The following NRG3 variants were observed in gnomAD, a reference collection of about 807,000 sequenced individuals.
The protein encoded by NRG3 is neuregulin 3, also known as pro-neuregulin-3, membrane-bound isoform.
In NRG3, 31 loss-of-function variants were observed where a neutral mutation model predicts 66.9. That is an observed-to-expected ratio of 0.46 (90% CI 0.35 to 0.63). The LOEUF is 0.63. NRG3 is among the 20% of genes least tolerant of loss of function. NRG3 has a pLI of 0.00. For synonymous variants in NRG3, 393 were observed against 359.4 expected (o/e 1.09, Z -1.06); for missense variants, 910 against 878.9 (o/e 1.04, Z -0.45).
At chr10:82,140,222 T>C (rs2069668799) in intron 1 of NRG3, among the ~76,000 whole-genome samples, 4 of 152,192 alleles carry the variant, frequency 2.6e-5, no homozygotes, top group Non-Finnish European at 5.9e-5. Context: ...CATTCACTTA[T>C]TATTTTACGG....
intron 6 of NRG3, among the ~76,000 whole-genome samples, chr10:82,966,478 G>A (rs893407903): frequency 3.9e-5 from 6 of 152,006 alleles, no homozygotes; most frequent in African/African-American, 9.7e-5. Context: ...CAAGATACAC[G>A]CTACAATATG....
At chr10:82,062,127 C>A (rs912003815) in intron 1 of NRG3, among the ~76,000 whole-genome samples, 6 of 152,028 alleles carry the variant, frequency 3.9e-5, no homozygotes, top group African/African-American at 1.2e-4. Context: ...TGGGGGTGAT[C>A]CAAGCAGCCC....
At chr10:82,233,778 A>G (rs555876949) in intron 1 of NRG3, among the ~76,000 whole-genome samples, 59 of 152,192 alleles carry the variant, frequency 3.9e-4, no homozygotes, top group African/African-American at 1.3e-3. Flanking sequence ...CTTTAATTCC[A>G]TTACTCTTCC....
intron 3 of NRG3, among the ~76,000 whole-genome samples, chr10:82,845,569 T>C (rs912634454): frequency 2.6e-5 from 4 of 151,172 alleles, no homozygotes; most frequent in East Asian, 1.9e-4. Context: ...AAAATCTTTA[T>C]AGGAGAAAGA....
rs531352286 is a variant in NRG3 at position 82,228,269 on chromosome 10, T to A, written c.824-130470T>A. 3.3e-5 allele frequency among the ~76,000 whole-genome samples: 5 copies of A among 152,306 alleles called. No individual in the cohort carries two copies. The South Asian group carries it at 1.0e-3, about 32-fold the overall frequency. On this transcript the variant is annotated intron_variant, in intron 1 of 8. Transcript: ENST00000372141. ...TATAAACATAAATTTATGTGGGTGT[T>A]GTAGAGTTGAATTCAAGTTCAAATT...
intron 2 of NRG3, among the ~76,000 whole-genome samples, chr10:82,629,319 G>A (rs183988211): frequency 2.2e-4 from 34 of 152,120 alleles, no homozygotes; most frequent in Non-Finnish European, 4.6e-4. Context: ...TCTTTAGTCC[G>A]GATTTAGGAA....
intron 1 of NRG3, among the ~76,000 whole-genome samples, chr10:82,066,778 G>C (rs1467838912): frequency 6.6e-6 from 1 of 151,992 alleles, no homozygotes; most frequent in African/African-American, 2.4e-5. Flanking sequence ...CATATGTTGG[G>C]AAGACACCAG....
At chr10:82,584,396 T>C (rs1590767149) in intron 2 of NRG3, among the ~76,000 whole-genome samples, 3 of 152,282 alleles carry the variant, frequency 2.0e-5, no homozygotes, top group Middle Eastern at 6.8e-3. Context: ...TGTTTTGTTT[T>C]TAATCTCAGG....
chr10:82,873,948 A>G (rs1032514134), intron 4 of NRG3, among the ~76,000 whole-genome samples: 1 of 152,086 alleles, frequency 6.6e-6, no homozygotes, highest in African/African-American at 2.4e-5. Context: ...TAGAAAAATA[A>G]GATTCTTAAT....
intron 1 of NRG3, among the ~76,000 whole-genome samples, chr10:81,886,292 T>A (rs1704476131): frequency 6.6e-6 from 1 of 152,186 alleles, no homozygotes; most frequent in African/African-American, 2.4e-5. Context: ...TTAGTTATAT[T>A]AGCTCCCAAA....
intron 2 of NRG3, among the ~76,000 whole-genome samples, chr10:82,477,185 A>G (rs1352353775): frequency 2.0e-5 from 3 of 152,198 alleles, no homozygotes; most frequent in Non-Finnish European, 4.4e-5. Flanking sequence ...AGAATGCACC[A>G]GGAGAATAAG....
chr10:82,363,122 A>T (rs2084294070), intron 2 of NRG3, among the ~76,000 whole-genome samples: 1 of 152,214 alleles, frequency 6.6e-6, no homozygotes, highest in Admixed American at 6.5e-5. Flanking sequence ...CAAAGAATTA[A>T]AACCCTGAAG....
intron 3 of NRG3, among the ~76,000 whole-genome samples, chr10:82,772,054 A>C (rs1018183815): frequency 6.6e-6 from 1 of 152,162 alleles, no homozygotes; most frequent in Non-Finnish European, 1.5e-5. Flanking sequence ...TCTCCCAGCC[A>C]ACTTCTTTGC....
At chr10:82,801,787 T>G (rs1298232237) in intron 3 of NRG3, among the ~76,000 whole-genome samples, 1 of 152,190 alleles carries the variant, frequency 6.6e-6, no homozygotes, top group Non-Finnish European at 1.5e-5. Flanking sequence ...CACTTGCCCC[T>G]GTGGCATTTG....
At chr10:82,766,435 A>G (rs1413768532) in intron 3 of NRG3, among the ~76,000 whole-genome samples, 1 of 152,220 alleles carries the variant, frequency 6.6e-6, no homozygotes, top group African/African-American at 2.4e-5. Context: ...ACTTTTGTCT[A>G]TAAAGATCTG....
At chr10:81,894,740 G>A (rs775734263) in intron 1 of NRG3, among the ~76,000 whole-genome samples, 10 of 152,172 alleles carry the variant, frequency 6.6e-5, no homozygotes, top group Non-Finnish European at 1.5e-4. Context: ...TGAGCGTTCT[G>A]TCCTCGTTTC....
chr10:82,284,443 T>A (rs549589376), intron 1 of NRG3, among the ~76,000 whole-genome samples: 1 of 152,310 alleles, frequency 6.6e-6, no homozygotes, highest in East Asian at 1.9e-4. Context: ...CCCCATGGGT[T>A]AAACTGGACT....
intron 2 of NRG3, among the ~76,000 whole-genome samples, chr10:82,682,418 TAGATAGATAGATAG>T (rs2054174840): frequency 6.6e-6 from 1 of 151,982 alleles, no homozygotes; most frequent in African/African-American, 2.4e-5. Context: ...GATAGATAGA[TAGATAGATAGATAG>T]ATAGATAATA....
intron 3 of NRG3, among the ~76,000 whole-genome samples, chr10:82,786,213 G>A (rs1048661438): frequency 1.3e-5 from 2 of 152,162 alleles, no homozygotes; most frequent in African/African-American, 4.8e-5. Context: ...CATCCTGGGA[G>A]AGCTGCAGCC....
Sources: allele counts gnomAD v4.1 joint callset (sites outside exome capture counted in the v4.1 genomes callset), GRCh38; gene constraint gnomAD v4.1.1; transcripts MANE v1.5; gene names NCBI Gene and HGNC (gene_info 2026-07-23, HGNC 2026-07-21).